NUMB: variants seen among roughly 807,000 people sequenced by gnomAD.
NUMB encodes protein numb homolog.
In NUMB, 29 loss-of-function variants were observed where a neutral mutation model predicts 59.7. That is an observed-to-expected ratio of 0.49 (90% CI 0.36 to 0.66). NUMB has a LOEUF of 0.66. NUMB is among the 30% of genes least tolerant of loss of function. NUMB has a pLI of 0.00. For missense variants in NUMB, 723 were observed against 822.0 expected (o/e 0.88, Z 1.47); for synonymous variants, 288 against 288.2 (o/e 1.00, Z 0.01).
At chr14:73,350,173 C>CTTT (rs552677993) in intron 4 of NUMB, among the ~76,000 whole-genome samples, 10 of 121,734 alleles carry the variant, frequency 8.2e-5, no homozygotes, top group African/African-American at 2.5e-4. Flanking sequence ...AACTAGGTGT[C>CTTT]TTTTTTTTTT....
At chr14:73,288,259 T>TA (rs991864953) in intron 8 of NUMB, among the ~76,000 whole-genome samples, 69 of 147,480 alleles carry the variant, frequency 4.7e-4, no homozygotes, top group African/African-American at 1.5e-3. Context: ...ACCAAAATAA[T>TA]AAAAAAAATT....
intron 1 of NUMB, among the ~76,000 whole-genome samples, chr14:73,410,490 T>G (rs1896850920): frequency 6.6e-6 from 1 of 152,306 alleles, no homozygotes; most frequent in Non-Finnish European, 1.5e-5. Context: ...TTTTATCATC[T>G]CTAAAAGGGG....
chr14:73,380,924 T>A (rs1278060980), intron 2 of NUMB, among the ~76,000 whole-genome samples: 1 of 152,170 alleles, frequency 6.6e-6, no homozygotes, highest in Non-Finnish European at 1.5e-5. Flanking sequence ...GGTTTCACCA[T>A]GTTGACCAGG....
At chr14:73,302,703 C>T (rs76821988) in intron 6 of NUMB, among the ~76,000 whole-genome samples, 1 of 151,870 alleles carries the variant, frequency 6.6e-6, no homozygotes, top group Non-Finnish European at 1.5e-5. Flanking sequence ...TGAGCCACTG[C>T]GCCTGGCCAA....
chr14:73,367,834 A>G (rs1428215339), intron 2 of NUMB, among the ~76,000 whole-genome samples: 1 of 151,726 alleles, frequency 6.6e-6, no homozygotes, highest in Non-Finnish European at 1.5e-5. Context: ...TATTTACGAG[A>G]AATAAACAGA....
chr14:73,393,513 T>C (rs2108549), intron 2 of NUMB, among the ~76,000 whole-genome samples: 35,760 of 152,122 alleles, frequency 0.24, 4,255 homozygotes, highest in Non-Finnish European at 0.25. Flanking sequence ...CAGACTCTAA[T>C]GCCATCATAA....
intron 4 of NUMB, among the ~76,000 whole-genome samples, chr14:73,346,075 G>A (rs996120315): frequency 6.6e-6 from 1 of 151,866 alleles, no homozygotes; most frequent in East Asian, 1.9e-4. Context: ...TTTAATACTC[G>A]GCTTAGAACT....
intron 1 of NUMB, among the ~76,000 whole-genome samples, chr14:73,411,623 T>G (rs1896898217): frequency 2.0e-5 from 3 of 152,222 alleles, no homozygotes; most frequent in Admixed American, 2.0e-4. Flanking sequence ...TTGCTCCACT[T>G]TATATTCCTA....
At chr14:73,369,386 C>A (rs1894554028) in intron 2 of NUMB, among the ~76,000 whole-genome samples, 1 of 152,166 alleles carries the variant, frequency 6.6e-6, no homozygotes, top group African/African-American at 2.4e-5. Context: ...GCCATATCTT[C>A]AATTGCCATT....
chr14:73,323,538 T>C (rs1891510699), intron 4 of NUMB, among the ~76,000 whole-genome samples: 1 of 152,232 alleles, frequency 6.6e-6, no homozygotes, highest in African/African-American at 2.4e-5. Flanking sequence ...GCACTAAACA[T>C]TACCTGAATC....
At position 73,284,140 on chromosome 14, in the gene NUMB, C is replaced by T. The variant is rs1259984994; in HGVS notation, c.890G>A (p.Arg297His). The T allele has an allele frequency of 2.5e-6, 4 of 1,613,966 alleles. No homozygotes were observed. The highest frequency in any genetic ancestry group is 2.5e-6 in the Non-Finnish European group (3 of 1,180,034). ...MSPFKRQLSL[R>H]INELPSTMQR... ...CATAGTGGAAGGCAACTCATTGATG[C>T]GTAGGGATAGTTGGCGTTTAAAGGG... is the stretch of plus-strand genomic sequence containing the variant. The change falls in exon 10 of 13, where the codon CGC (arginine) becomes CAC (histidine). Residue 297 changes from arginine (R) to histidine (H), a missense_variant. This residue lies in a region of NUMB where 317 missense variants were observed against 436.6 expected (regional missense o/e 0.73). Coordinates refer to ENST00000555238, the MANE Select transcript of NUMB (RefSeq NM_001005743.2).
intron 4 of NUMB, among the ~76,000 whole-genome samples, chr14:73,324,457 A>G (rs981283375): frequency 5.3e-5 from 8 of 152,086 alleles, no homozygotes; most frequent in African/African-American, 1.7e-4. Flanking sequence ...TTTATCTCAC[A>G]TACTCAAATA....
chr14:73,316,452 T>C, intron 5 of NUMB, 30 bp from the exon 6 acceptor site: 1 of 1,608,464 alleles, frequency 6.2e-7, no homozygotes, highest in South Asian at 1.1e-5. Context: ...AGTCGAGTGC[T>C]ATTATTGTAT....
At chr14:73,386,867 A>ATTTTTTTT (rs71112745) in intron 2 of NUMB, among the ~76,000 whole-genome samples, 1,488 of 79,674 alleles carry the variant, frequency 0.019, 195 homozygotes, top group Middle Eastern at 0.031. Flanking sequence ...CAGGTGTCTT[A>ATTTTTTTT]TTTTTTTTTT....
intron 4 of NUMB, among the ~76,000 whole-genome samples, chr14:73,339,155 C>A (rs1892501790): frequency 6.6e-6 from 1 of 152,088 alleles, no homozygotes; most frequent in South Asian, 2.1e-4. Context: ...TTTGTTATTT[C>A]TTCTTTATAT....
At chr14:73,453,093 A>C (rs1008555978) in intron 1 of NUMB, among the ~76,000 whole-genome samples, 6 of 151,820 alleles carry the variant, frequency 4.0e-5, no homozygotes, top group Non-Finnish European at 8.8e-5. Context: ...CTTTTGCCTC[A>C]AGATTTCGAA....
At chr14:73,287,416 T>C (rs1331227858) in intron 8 of NUMB, 102 bp from the exon 9 acceptor site, 1 of 1,055,710 alleles carries the variant, frequency 9.5e-7, no homozygotes, top group Non-Finnish European at 1.3e-6. Context: ...AGTCTTACTG[T>C]TACCCAGGCT....
chr14:73,307,882 G>A (rs865793152), intron 6 of NUMB, among the ~76,000 whole-genome samples: 8 of 151,910 alleles, frequency 5.3e-5, no homozygotes, highest in Non-Finnish European at 7.4e-5. Flanking sequence ...ATAGGCGCCC[G>A]CCACCACGCC....
chr14:73,432,683 C>G (rs1408354027), intron 1 of NUMB, among the ~76,000 whole-genome samples: 2 of 152,092 alleles, frequency 1.3e-5, no homozygotes, highest in Non-Finnish European at 2.9e-5. Context: ...CTCCTTAAGT[C>G]AGCCATGACA....
Sources: allele counts gnomAD v4.1 joint callset (sites outside exome capture counted in the v4.1 genomes callset), GRCh38; gene constraint gnomAD v4.1.1; regional missense constraint gnomAD v4.1.1; transcripts MANE v1.5; gene names NCBI Gene and HGNC (gene_info 2026-07-23, HGNC 2026-07-21).